The following TFB1M variants were observed in gnomAD, a reference collection of about 807,000 sequenced individuals.
TFB1M encodes the protein transcription factor B1, mitochondrial.
A neutral mutation model predicts 31.1 loss-of-function variants in TFB1M; 27 were observed. The ratio of observed to expected loss-of-function variants is 0.87; its 90% CI spans 0.64 to 1.20. The LOEUF is 1.20. TFB1M is among the 50% of genes most tolerant of loss of function. The pLI is 0.00. For synonymous variants in TFB1M, 166 were observed against 151.8 expected, an observed-to-expected ratio of 1.09 and a Z score of -0.69; for missense variants, 394 against 418.7, an observed-to-expected ratio of 0.94 and a Z score of 0.51.
the TFB1M span, among the ~76,000 whole-genome samples, chr6:155,246,953 G>A: frequency 6.6e-6 from 1 of 152,230 alleles, no homozygotes; most frequent in Admixed American, 6.5e-5. Flanking sequence ...AAGTAGCACT[G>A]GTGTATCCGC....
At chr6:155,245,755 GTTTTT>G in the TFB1M span, 2 of 1,022,126 alleles carry the variant, frequency 2.0e-6, no homozygotes, top group Non-Finnish European at 2.8e-6. Context: ...GCCTTTTATA[GTTTTT>G]TTTTTTTTTT....
intron 2 of TFB1M, among the ~76,000 whole-genome samples, chr6:155,307,877 G>A (rs372266225): frequency 1.1e-4 from 16 of 151,582 alleles, no homozygotes; most frequent in East Asian, 3.9e-4. Flanking sequence ...CCCGTGGGCC[G>A]TGTGTTGCAC....
At chr6:155,236,705 G>A in the TFB1M span, among the ~76,000 whole-genome samples, 1 of 152,144 alleles carries the variant, frequency 6.6e-6, no homozygotes, top group Non-Finnish European at 1.5e-5. Flanking sequence ...TACGTGGATG[G>A]CAGCAGGCAA....
intron 4 of TFB1M, among the ~76,000 whole-genome samples, chr6:155,286,794 G>A (rs1279126757): frequency 6.6e-6 from 1 of 151,486 alleles, no homozygotes; most frequent in African/African-American, 2.4e-5. Flanking sequence ...CTGGGCAACA[G>A]AGCAAGACGC....
the TFB1M span, among the ~76,000 whole-genome samples, chr6:155,235,326 T>G: frequency 6.6e-6 from 1 of 152,216 alleles, no homozygotes; most frequent in South Asian, 2.1e-4. Flanking sequence ...CACTGAAGAC[T>G]TAGAATCGAG....
At position 155,257,266 on chromosome 6, in the gene TFB1M, G is replaced by T. The variant is rs1784119448; in HGVS notation, c.*570C>A. 1.1e-6 allele frequency: 1 copy of T among 914,886 alleles called. No individual in the cohort carries two copies. The allele number at this position is 914,886 out of a possible 1,614,324, so 56.7% of individuals were successfully genotyped here. A position where few individuals can be genotyped will look rare whatever the true frequency, so the allele number is the denominator to read the frequency against. ...CATTTTCCCACAAAATGGTTGTAAA[G>T]ATTTAAGTTATTTTAATTTATTGTG... On this transcript the variant is annotated 3_prime_UTR_variant, in exon 7 of 7. Coordinates refer to ENST00000367166, the MANE Select transcript of TFB1M (RefSeq NM_016020.4).
rs1189869721 is a variant in TFB1M at position 155,290,388 on chromosome 6, C to CAA, written c.547-5113_547-5112dup. On this transcript the variant is annotated intron_variant, in intron 4 of 6. Transcript: ENST00000367166. ...GTGACAGAGCGGCGAGACTCGGCCT[C>CAA]AAAAAAAAAAAAAAAAAAAAAAGAA... 6.5e-3 allele frequency among the ~76,000 whole-genome samples: 694 copies of CAA among 107,302 alleles called. 9 individuals carry two copies. The highest frequency in any genetic ancestry group is 0.018 in the African/African-American group (519 of 29,614). 70.4% of individuals were successfully genotyped at this position (107,302 alleles called of 152,430 possible). A position where few individuals can be genotyped will look rare whatever the true frequency, so the allele number is the denominator to read the frequency against.
At position 155,258,064 on chromosome 6, in the gene TFB1M, C is replaced by T. The variant is rs764209632; in HGVS notation, c.813G>A (p.Ala271=). 33 of 1,613,988 alleles carry T rather than the reference C, an allele frequency of 2.0e-5. No homozygotes were observed. Among genetic ancestry groups the T allele is most frequent in the South Asian group, 1.2e-4 (11 of 91,074 alleles). The stretch of plus-strand genomic sequence containing the variant: ...GCCTGCCCGTGCTTTCCAAGCGCTG[C>T]GCTTCAGGGAATAACATTCTGAGGG... ...HRGLRMLFPE[A]QRLESTGRLL... The change falls in exon 7 of 7, where the codon GCG becomes GCA. Residue 271 remains alanine (A), a synonymous_variant. Transcript: ENST00000367166.
At chr6:155,250,755 A>C in the TFB1M span, 1 of 1,134,136 alleles carries the variant, frequency 8.8e-7, no homozygotes, top group Non-Finnish European at 1.3e-6. Context: ...ATATTTTCAA[A>C]AGCTCCACCG....
the TFB1M span, chr6:155,247,916 T>C: frequency 5.5e-6 from 8 of 1,463,530 alleles, no homozygotes; most frequent in Non-Finnish European, 7.4e-6. Flanking sequence ...TAGAAATAGA[T>C]GATCTATAAA....
At chr6:155,262,113 A>C (rs1784420120) in intron 5 of TFB1M, among the ~76,000 whole-genome samples, 1 of 152,174 alleles carries the variant, frequency 6.6e-6, no homozygotes. Flanking sequence ...TCAGGGAAAG[A>C]GGGACTGAAG....
chr6:155,308,711 T>G (rs1777893037), intron 2 of TFB1M, among the ~76,000 whole-genome samples: 2 of 152,238 alleles, frequency 1.3e-5, no homozygotes, highest in Non-Finnish European at 2.9e-5. Context: ...AACTGCCTCA[T>G]GAAAATACTG....
chr6:155,236,913 C>A, the TFB1M span, among the ~76,000 whole-genome samples: 1 of 152,160 alleles, frequency 6.6e-6, no homozygotes, highest in Non-Finnish European at 1.5e-5. Flanking sequence ...CCAAACCATA[C>A]CATTTTGCCC....
the TFB1M span, chr6:155,250,952 A>G: frequency 8.9e-5 from 144 of 1,614,098 alleles, no homozygotes; most frequent in Non-Finnish European, 1.2e-4. Flanking sequence ...GATGCACTCT[A>G]CGGTTTCCTG....
At chr6:155,249,345 C>T in the TFB1M span, among the ~76,000 whole-genome samples, 5 of 152,164 alleles carry the variant, frequency 3.3e-5, no homozygotes, top group East Asian at 1.9e-4. Flanking sequence ...AACCTAGATC[C>T]GGGTTCCCAG....
At chr6:155,268,205 A>G (rs1011413145) in intron 5 of TFB1M, among the ~76,000 whole-genome samples, 5 of 152,054 alleles carry the variant, frequency 3.3e-5, no homozygotes, top group Admixed American at 2.0e-4. Flanking sequence ...TCTGTCTCCA[A>G]TTCTGATCTC....
the TFB1M span, among the ~76,000 whole-genome samples, chr6:155,233,788 C>T: frequency 3.7e-4 from 57 of 152,112 alleles, no homozygotes; most frequent in East Asian, 9.5e-3. Context: ...GTGAGACCCT[C>T]CCTTCTCTAC....
At chr6:155,298,705 T>C (rs941138919) in intron 2 of TFB1M, 120 bp from the exon 3 acceptor site, 5 of 700,770 alleles carry the variant, frequency 7.1e-6, no homozygotes, top group African/African-American at 1.8e-5. Context: ...GGGGTGATCA[T>C]TAATGAACAA....
chr6:155,267,996 ATTTG>A (rs1389503116), intron 5 of TFB1M, among the ~76,000 whole-genome samples: 35 of 152,308 alleles, frequency 2.3e-4, no homozygotes, highest in East Asian at 1.7e-3. Context: ...CCTTCTACAA[ATTTG>A]TTTTCAAAAT....
Sources: gnomAD v4.1 joint callset for allele counts (sites outside exome capture counted in the v4.1 genomes callset) on GRCh38, gnomAD v4.1.1 for gene constraint, MANE v1.5 for transcripts, NCBI Gene and HGNC (gene_info 2026-07-23, HGNC 2026-07-21) for gene names.